SH3GL1: variants seen among roughly 807,000 people sequenced by gnomAD.
SH3GL1 encodes the protein SH3 domain containing GRB2 like 1, endophilin A2, also known as endophilin-A2.
Under a neutral mutation model 48.8 loss-of-function variants are expected in SH3GL1, and 21 were observed. That is an observed-to-expected ratio of 0.43 (90% CI 0.30 to 0.62). The LOEUF is 0.62. SH3GL1 is among the 20% of genes least tolerant of loss of function. The probability of loss-of-function intolerance (pLI) is 0.11; values close to 1 mark genes in which losing one functional copy is unlikely to be tolerated. For synonymous variants in SH3GL1, 282 were observed against 217.5 expected, an observed-to-expected ratio of 1.30 and a Z score of -2.61; for missense variants, 454 against 503.0, an observed-to-expected ratio of 0.90 and a Z score of 0.93.
At chr19:4,396,924 G>A (rs1224655888) in intron 1 of SH3GL1, among the ~76,000 whole-genome samples, 1 of 152,134 alleles carries the variant, frequency 6.6e-6, no homozygotes, top group Non-Finnish European at 1.5e-5. Flanking sequence ...GTAAAAGGGG[G>A]AATGTTTTTT....
chr19:4,386,277 G>A (rs1456935154), intron 1 of SH3GL1, among the ~76,000 whole-genome samples: 2 of 152,158 alleles, frequency 1.3e-5, no homozygotes, highest in Admixed American at 1.3e-4. Context: ...ATTGCGGCGA[G>A]GGCGGGCAGA....
chr19:4,378,504 C>T (rs1310083830), intron 1 of SH3GL1, among the ~76,000 whole-genome samples: 1 of 152,072 alleles, frequency 6.6e-6, no homozygotes, highest in African/African-American at 2.4e-5. Flanking sequence ...CACCTGAGGT[C>T]AGGAGTTTGA....
intron 1 of SH3GL1, among the ~76,000 whole-genome samples, chr19:4,370,576 C>T (rs527596570): frequency 3.2e-4 from 49 of 152,324 alleles, no homozygotes; most frequent in African/African-American, 1.2e-3. Context: ...GCTGCAAACC[C>T]CGAGTGACCA....
At chr19:4,365,192 T>G (rs553954890) in intron 4 of SH3GL1, among the ~76,000 whole-genome samples, 149 of 152,232 alleles carry the variant, frequency 9.8e-4, no homozygotes, top group African/African-American at 3.4e-3. Flanking sequence ...TAAAAGGGCC[T>G]AGGTTTGCCC....
intron 1 of SH3GL1, among the ~76,000 whole-genome samples, chr19:4,384,757 C>T (rs531991827): frequency 2.0e-5 from 3 of 152,320 alleles, no homozygotes; most frequent in Middle Eastern, 6.8e-3. Context: ...GCTGCGGATG[C>T]GAGTGGAGCC....
intron 1 of SH3GL1, among the ~76,000 whole-genome samples, chr19:4,368,661 C>T (rs531978601): frequency 6.6e-6 from 1 of 152,314 alleles, no homozygotes; most frequent in Non-Finnish European, 1.5e-5. Context: ...CCTTCATGTG[C>T]GGGGTGTGCC....
At chr19:4,393,050 CA>C (rs1973365531) in intron 1 of SH3GL1, among the ~76,000 whole-genome samples, 1 of 151,966 alleles carries the variant, frequency 6.6e-6, no homozygotes, top group Non-Finnish European at 1.5e-5. Context: ...CACCTGAGGT[CA>C]GGAGTTCGAG....
chr19:4,373,214 C>T (rs776425233), intron 1 of SH3GL1, among the ~76,000 whole-genome samples: 21 of 152,186 alleles, frequency 1.4e-4, no homozygotes, highest in African/African-American at 2.4e-4. Flanking sequence ...AGGAATCAGA[C>T]GGCAGAAACC....
At chr19:4,373,114 G>GA (rs1359407107) in intron 1 of SH3GL1, among the ~76,000 whole-genome samples, 1 of 111,460 alleles carries the variant, frequency 9.0e-6, no homozygotes, top group Non-Finnish European at 1.8e-5. Flanking sequence ...GAGGGGGAGG[G>GA]AGAGGAGCAG....
chr19:4,384,146 G>A (rs918834791), intron 1 of SH3GL1, among the ~76,000 whole-genome samples: 3 of 152,186 alleles, frequency 2.0e-5, no homozygotes, highest in African/African-American at 4.8e-5. Context: ...AACTGAAAAC[G>A]CAGGCTCCAG....
intron 4 of SH3GL1, 30 bp downstream of exon 4, chr19:4,365,452 T>C: frequency 6.2e-7 from 1 of 1,612,350 alleles, no homozygotes; most frequent in African/African-American, 1.3e-5. Context: ...CCAGGGACGG[T>C]GGGCGTGGCT....
At chr19:4,363,554 G>C in intron 6 of SH3GL1, 81 bp from the exon 7 acceptor site, 1 of 1,479,650 alleles carries the variant, frequency 6.8e-7, no homozygotes, top group Non-Finnish European at 9.4e-7. Flanking sequence ...GAAGCCACAG[G>C]AGGCAAGGGG....
chr19:4,395,138 C>T (rs1973403391), intron 1 of SH3GL1, among the ~76,000 whole-genome samples: 1 of 139,114 alleles, frequency 7.2e-6, no homozygotes, highest in South Asian at 2.4e-4. Flanking sequence ...GGAAACTGTC[C>T]CTTTTCTAAG....
chr19:4,373,181 G>T (rs1293212289), intron 1 of SH3GL1, among the ~76,000 whole-genome samples: 2 of 152,214 alleles, frequency 1.3e-5, no homozygotes, highest in African/African-American at 4.8e-5. Context: ...CAGGTGCCAG[G>T]TGATCCTCAT....
At chr19:4,395,926 A>G (rs1370742739) in intron 1 of SH3GL1, 1 of 152,012 alleles carries the variant, frequency 6.6e-6, no homozygotes, top group African/African-American at 2.4e-5. Context: ...ATATATATAT[A>G]TATACAGTTG....
intron 1 of SH3GL1, among the ~76,000 whole-genome samples, chr19:4,368,969 G>A (rs1972839833): frequency 6.6e-6 from 1 of 152,204 alleles, no homozygotes; most frequent in African/African-American, 2.4e-5. Flanking sequence ...CTACTCGGGA[G>A]GCTGAGGTAG....
At chr19:4,397,078 G>A (rs11883045) in intron 1 of SH3GL1, among the ~76,000 whole-genome samples, 7,144 of 152,228 alleles carry the variant, frequency 0.047, 348 homozygotes, top group African/African-American at 0.12. Flanking sequence ...AGGCACAGCA[G>A]AGGGTGAAAG....
chr19:4,368,950 T>C (rs930339642), intron 1 of SH3GL1, among the ~76,000 whole-genome samples: 9 of 152,114 alleles, frequency 5.9e-5, no homozygotes, highest in African/African-American at 2.2e-4. Context: ...CGGGTGCCTG[T>C]AGTCCCAGCT....
intron 1 of SH3GL1, among the ~76,000 whole-genome samples, chr19:4,398,399 T>TC (rs953684836): frequency 1.3e-5 from 2 of 151,884 alleles, no homozygotes; most frequent in African/African-American, 4.8e-5. Context: ...TTTTTTTTTT[T>TC]CAAGACGGAG....
Sources: gnomAD v4.1 joint callset for allele counts (sites outside exome capture counted in the v4.1 genomes callset) on GRCh38, gnomAD v4.1.1 for gene constraint, MANE v1.5 for transcripts, NCBI Gene and HGNC (gene_info 2026-07-23, HGNC 2026-07-21) for gene names.